PCDHA6: variants seen among roughly 807,000 people sequenced by gnomAD.
PCDHA6 encodes the protein protocadherin alpha-6.
PCDHA6 carries 55 observed loss-of-function variants against 60.3 expected under a neutral mutation model. The ratio of observed to expected loss-of-function variants is 0.91; its 90% confidence interval spans 0.73 to 1.14. PCDHA6 has a LOEUF of 1.14. Among genes scored for constraint, PCDHA6 ranks in the 50% most tolerant of loss-of-function variants. PCDHA6 has a pLI of 0.00. For synonymous variants in PCDHA6, 652 were observed against 557.9 expected, an observed-to-expected ratio of 1.17 and a Z score of -2.38; for missense variants, 1,327 against 1,256.5, an observed-to-expected ratio of 1.06 and a Z score of -0.85.
At chr5:140,835,975 T>C (rs2150249411) in intron 1 of PCDHA6, 4 of 1,613,318 alleles carry the variant, frequency 2.5e-6, no homozygotes, top group Non-Finnish European at 3.4e-6. Context: ...CTGGAGCTGT[T>C]GCAGTTCCAG....
chr5:140,925,082 AAAGGAAGGAAGG>A (rs138596875), intron 1 of PCDHA6, among the ~76,000 whole-genome samples: 78 of 147,388 alleles, frequency 5.3e-4, no homozygotes, highest in African/African-American at 1.8e-3. Context: ...GCTCATCTGG[AAAGGAAGGAAGG>A]AAGGAAGGAA....
At chr5:140,993,437 C>A (rs1193523462) in intron 3 of PCDHA6, among the ~76,000 whole-genome samples, 1 of 150,056 alleles carries the variant, frequency 6.7e-6, no homozygotes, top group Non-Finnish European at 1.5e-5. Context: ...AATCCTTATT[C>A]ATTCCTGTTC....
intron 1 of PCDHA6, among the ~76,000 whole-genome samples, chr5:140,951,465 C>G (rs1304466995): frequency 1.3e-5 from 2 of 151,966 alleles, no homozygotes; most frequent in Non-Finnish European, 2.9e-5. Context: ...TGCTTGGCTT[C>G]TGGGGAGCCT....
chr5:140,938,176 G>A (rs1554212021), intron 1 of PCDHA6, among the ~76,000 whole-genome samples: 1 of 152,088 alleles, frequency 6.6e-6, no homozygotes, highest in Non-Finnish European at 1.5e-5. Flanking sequence ...GAGCTCCTGG[G>A]CTCAAGCAAT....
At chr5:140,906,092 A>G (rs985090106) in intron 1 of PCDHA6, among the ~76,000 whole-genome samples, 2 of 152,140 alleles carry the variant, frequency 1.3e-5, no homozygotes, top group Non-Finnish European at 2.9e-5. Context: ...GACTGAGAGT[A>G]AGTGTGTCTT....
chr5:140,954,046 G>C (rs1554221229), intron 1 of PCDHA6, among the ~76,000 whole-genome samples: 1 of 152,124 alleles, frequency 6.6e-6, no homozygotes, highest in African/African-American at 2.4e-5. Context: ...TTGGTTTTCT[G>C]TTCCTGCATT....
rs1024369617 is a variant in PCDHA6 at position 140,837,461 on chromosome 5, C to G, written c.2394+6976C>G. On this transcript the variant is annotated intron_variant, in intron 1 of 3. Transcript: ENST00000529310. ...TAGTACGTAGTAAAAAATCTCCTTG[C>G]CTCCTCAAACCCCAAACCATTTACT... 4.6e-5 allele frequency among the ~76,000 whole-genome samples: 7 copies of G among 151,760 alleles called. 1 individual carries two copies. The highest frequency in any genetic ancestry group is 1.0e-4 in the Non-Finnish European group (7 of 67,946).
At chr5:140,924,049 T>C (rs1554201723) in intron 1 of PCDHA6, among the ~76,000 whole-genome samples, 1 of 152,254 alleles carries the variant, frequency 6.6e-6, no homozygotes, top group East Asian at 1.9e-4. Flanking sequence ...AAAAGTTCGG[T>C]ACATCTTTAC....
intron 1 of PCDHA6, chr5:140,858,270 G>A (rs1554151358): frequency 6.3e-7 from 1 of 1,597,416 alleles, no homozygotes; most frequent in South Asian, 1.1e-5. Flanking sequence ...GTGTGCTCTA[G>A]CGCGGTGGGG....
At chr5:140,840,708 CA>C (rs1191329041) in intron 1 of PCDHA6, among the ~76,000 whole-genome samples, 5 of 151,964 alleles carry the variant, frequency 3.3e-5, no homozygotes, top group African/African-American at 1.2e-4. Context: ...GGCAATTTGA[CA>C]TTTATTGAAT....
At chr5:141,000,410 TATATA>T in intron 3 of PCDHA6, among the ~76,000 whole-genome samples, 1 of 101,974 alleles carries the variant, frequency 9.8e-6, no homozygotes, top group African/African-American at 3.9e-5. Context: ...TATATATATA[TATATA>T]TATATATTTT....
chr5:140,843,595 G>A, intron 1 of PCDHA6: 1 of 1,596,100 alleles, frequency 6.3e-7, no homozygotes, highest in Admixed American at 1.7e-5. Flanking sequence ...CGCAGAGGGT[G>A]TGCTCTGGTG....
chr5:140,850,169 G>C (rs2150470473), intron 1 of PCDHA6: 7 of 1,594,740 alleles, frequency 4.4e-6, no homozygotes, highest in Non-Finnish European at 6.0e-6. Context: ...TGCTGGACGA[G>C]AACGACAATG....
chr5:140,963,438 CT>C (rs2095766112), intron 1 of PCDHA6, among the ~76,000 whole-genome samples: 1 of 152,242 alleles, frequency 6.6e-6, no homozygotes, highest in Admixed American at 6.5e-5. Context: ...TAACTTCATA[CT>C]CTGTTGCTAA....
chr5:140,876,919 GA>G, intron 1 of PCDHA6: 2 of 1,613,952 alleles, frequency 1.2e-6, no homozygotes, highest in Non-Finnish European at 1.7e-6. Context: ...ATGGGACGCG[GA>G]CGCGCAGAAG....
intron 1 of PCDHA6, chr5:140,870,851 C>T: frequency 6.2e-7 from 1 of 1,613,838 alleles, no homozygotes; most frequent in Non-Finnish European, 8.5e-7. Context: ...GTACCGCGGT[C>T]GGTGGGTGCG....
chr5:140,882,057 A>C, intron 1 of PCDHA6: 1 of 790,730 alleles, frequency 1.3e-6, no homozygotes, highest in Non-Finnish European at 1.9e-6. Context: ...ACTTACACTT[A>C]CACGTTCATG....
chr5:140,831,844 G>A (rs547068753), intron 1 of PCDHA6, among the ~76,000 whole-genome samples: 1 of 152,224 alleles, frequency 6.6e-6, no homozygotes, highest in South Asian at 2.1e-4. Context: ...TGATAGAATT[G>A]TCATAAAGCT....
rs1007978772 is a variant in PCDHA6 at position 140,843,987 on chromosome 5, G to C, written c.2394+13502G>C. 1.2e-4 allele frequency among the ~76,000 whole-genome samples: 18 copies of C among 149,540 alleles called. 1 individual carries two copies. Among genetic ancestry groups the C allele is most frequent in the African/African-American group, 4.2e-4 (17 of 40,920 alleles). On this transcript the variant is annotated intron_variant, in intron 1 of 3. Transcript: ENST00000529310. ...ATTTATTTTGGCCTGCCTTACAGCCGTCTTCTCTGAACAATACTCTAAGGA... is the reference window on the plus strand; with the variant it reads ...ATTTATTTTGGCCTGCCTTACAGCCCTCTTCTCTGAACAATACTCTAAGGA...
Sources: allele counts gnomAD v4.1 joint callset (sites outside exome capture counted in the v4.1 genomes callset), GRCh38; gene constraint gnomAD v4.1.1; transcripts MANE v1.5; gene names NCBI Gene and HGNC (gene_info 2026-07-23, HGNC 2026-07-21).